Variants in FCN2 observed in about 807,000 individuals in gnomAD.
FCN2 encodes the protein ficolin 2.
A neutral mutation model predicts 32.5 loss-of-function variants in FCN2; 31 were observed. That is an observed-to-expected ratio of 0.96 (90% CI 0.72 to 1.29). The LOEUF is 1.29. Ranked by LOEUF, FCN2 falls within the 50% of genes most tolerant of loss-of-function variation. FCN2 has a pLI of 0.00. For synonymous variants in FCN2, 181 were observed against 164.5 expected (o/e 1.10, Z -0.77); for missense variants, 412 against 406.5 (o/e 1.01, Z -0.12).
chr9:134,883,515 G>T (rs1328989749), intron 3 of FCN2, among the ~76,000 whole-genome samples, 160 bp downstream of exon 3: 3 of 151,580 alleles, frequency 2.0e-5, no homozygotes, highest in Admixed American at 2.0e-4. Flanking sequence ...AGGGGTCTCA[G>T]TGTGGGGGAA....
intron 4 of FCN2, 84 bp from the exon 5 acceptor site, chr9:134,885,155 T>G: frequency 6.3e-7 from 1 of 1,581,992 alleles, no homozygotes; most frequent in Admixed American, 1.7e-5. Context: ...ATGGCCCTGC[T>G]TCTTCCTCCC....
At chr9:134,886,696 A>G (rs1433793745) in intron 7 of FCN2, 132 bp downstream of exon 7, 1 of 989,634 alleles carries the variant, frequency 1.0e-6, no homozygotes, top group South Asian at 1.5e-5. Flanking sequence ...CCATCTCTAC[A>G]TGCAGACACT....
At chr9:134,872,884 C>T in the FCN2 span, among the ~76,000 whole-genome samples, 5 of 152,148 alleles carry the variant, frequency 3.3e-5, no homozygotes, top group Admixed American at 1.3e-4. Context: ...AAGGCTGCAC[C>T]GCTTAATCCA....
In FCN2 at chr9:134,885,324, G is replaced by T; in HGVS notation, c.387G>T (p.Leu129=). 3 of 1,614,110 alleles carry T rather than the reference G, an allele frequency of 1.9e-6. No individual in the cohort carries two copies. Among genetic ancestry groups the T allele is most frequent in the Non-Finnish European group, 2.5e-6 (3 of 1,180,020 alleles). The stretch of plus-strand genomic sequence containing the variant: ...TCTACCTGCCCGACTGCCGGCCCCT[G>T]ACTGTGCTCTGTGACATGGACACGG... ...HTIYLPDCRP[L]TVLCDMDTDG... Residue 129 remains leucine, a synonymous_variant, in exon 5 of 8, where the codon CTG becomes CTT. Transcript: ENST00000291744.
intron 3 of FCN2, 91 bp from the exon 4 acceptor site, chr9:134,884,649 G>A: frequency 7.7e-7 from 1 of 1,294,794 alleles, no homozygotes; most frequent in East Asian, 2.3e-5. Flanking sequence ...CTCCTGGGGA[G>A]GCCCAGAAAA....
chr9:134,868,649 C>T, the FCN2 span, among the ~76,000 whole-genome samples: 1 of 152,224 alleles, frequency 6.6e-6, no homozygotes, highest in African/African-American at 2.4e-5. This position sits in a 1 kb window ranked among gnomAD's most constrained non-coding sequence, Gnocchi z 4.3. Context: ...GTGCCAGCAT[C>T]CAGCCCCCTG....
chr9:134,885,568 G>C (rs1830738247), intron 5 of FCN2, among the ~76,000 whole-genome samples, 200 bp from the exon 6 acceptor site: 5 of 152,230 alleles, frequency 3.3e-5, no homozygotes, highest in African/African-American at 9.6e-5. Flanking sequence ...TGTGTGGCTT[G>C]GGGCTTGTTG....
intron 2 of FCN2, among the ~76,000 whole-genome samples, chr9:134,883,006 A>AGG (rs1425316778): frequency 6.6e-6 from 1 of 152,146 alleles, no homozygotes; most frequent in African/African-American, 2.4e-5. Flanking sequence ...AGGCTCAGAG[A>AGG]GTCCAGGGAT....
chr9:134,869,746 C>T, the FCN2 span, among the ~76,000 whole-genome samples: 8,357 of 152,282 alleles, frequency 0.055, 282 homozygotes, highest in African/African-American at 0.094. Flanking sequence ...CAGAGGCCTC[C>T]GAGGGGCTGA....
rs1830727134 is a variant in FCN2, at chr9:134,885,191, C to G, written c.302-48C>G. 3.1e-6 allele frequency: 5 copies of G among 1,613,046 alleles called. No individual in the cohort carries two copies. In the African/African-American group the frequency reaches 4.0e-5, roughly 13 times the overall value. ...AGGCCTCCCTCCTACTGCCTGTGCCCTGCCCAGGGCTCCTGTCCTGCAGCC... is the reference window on the plus strand; with the variant it reads ...AGGCCTCCCTCCTACTGCCTGTGCCGTGCCCAGGGCTCCTGTCCTGCAGCC... On this transcript the variant is annotated intron_variant, in intron 4 of 7. Coordinates refer to ENST00000291744, the MANE Select transcript of FCN2 (RefSeq NM_004108.3).
chr9:134,865,042 G>A, the FCN2 span, among the ~76,000 whole-genome samples: 7 of 152,244 alleles, frequency 4.6e-5, no homozygotes, highest in African/African-American at 1.7e-4. Flanking sequence ...AGTGGGCCTA[G>A]TCAGAGCCTG....
At position 134,882,124 on chromosome 9, in the gene FCN2, G is replaced by A. The variant is rs565832450; in HGVS notation, c.101-402G>A. ...GATAGATGAGAACAGACGAGATTAG[G>A]ATGCTGTCTTAAATGGTAGGAGCTG... On this transcript the variant is annotated intron_variant, in intron 1 of 7. Coordinates refer to ENST00000291744, the MANE Select transcript of FCN2 (RefSeq NM_004108.3). Among the ~76,000 whole-genome samples the A allele has an allele frequency of 2.5e-4, 38 of 152,350 alleles. No homozygotes were observed. In the South Asian group the frequency reaches 5.4e-3, roughly 22 times the overall value.
Position 134,881,018 on chromosome 9 carries a change from G to C in FCN2, c.100+97G>C, listed in dbSNP as rs1443007304. 9.3e-6 allele frequency: 8 copies of C among 860,598 alleles called. No homozygotes were observed. The East Asian group carries it at 1.0e-4, about 11-fold the overall frequency. The allele number at this position is 860,598 out of a possible 1,614,324, so 53.3% of individuals were successfully genotyped here. Reference sequence around the variant, plus strand: ...TTCCTGGCTTCCAGGCCTTGCACCAGGCCGTGTGGAGCATCGTCTAACGAG... The same window carrying C: ...TTCCTGGCTTCCAGGCCTTGCACCACGCCGTGTGGAGCATCGTCTAACGAG... On this transcript the variant is annotated intron_variant, in intron 1 of 7. Coordinates refer to ENST00000291744, the MANE Select transcript of FCN2 (RefSeq NM_004108.3).
upstream of FCN2, among the ~76,000 whole-genome samples, chr9:134,879,973 C>T (rs72551117): frequency 6.6e-6 from 1 of 152,124 alleles, no homozygotes; most frequent in Admixed American, 6.5e-5. Context: ...GGCGAGAGTG[C>T]ACCTTCAGGC....
At chr9:134,872,146 G>C in the FCN2 span, among the ~76,000 whole-genome samples, 3 of 151,862 alleles carry the variant, frequency 2.0e-5, no homozygotes, top group African/African-American at 7.2e-5. Context: ...GTCATACTCC[G>C]TGTGTGGATG....
At chr9:134,887,043 G>A in intron 7 of FCN2, 125 bp from the exon 8 acceptor site, 1 of 1,098,600 alleles carries the variant, frequency 9.1e-7, no homozygotes, top group Non-Finnish European at 1.4e-6. Context: ...TTCTTGGATT[G>A]TGCAGTGCAC....
chr9:134,864,590 C>T, the FCN2 span, among the ~76,000 whole-genome samples: 6 of 152,294 alleles, frequency 3.9e-5, no homozygotes, highest in African/African-American at 1.2e-4. Flanking sequence ...GCCGAGCTGC[C>T]GTAGCCATGG....
chr9:134,881,051 C>A (rs1405208390), intron 1 of FCN2, 130 bp downstream of exon 1: 1 of 715,216 alleles, frequency 1.4e-6, no homozygotes, highest in Non-Finnish European at 2.5e-6. Flanking sequence ...GAGACAGCAG[C>A]TCTGCATGCC....
chr9:134,868,734 A>G, the FCN2 span, among the ~76,000 whole-genome samples: 2 of 152,176 alleles, frequency 1.3e-5, no homozygotes, highest in African/African-American at 4.8e-5. The surrounding 1 kb of genome is among the most constrained non-coding windows in gnomAD (Gnocchi z 4.3). Flanking sequence ...CTTGCCTCAC[A>G]GACAATGGTG....
Sources: gnomAD v4.1 joint callset for allele counts (sites outside exome capture counted in the v4.1 genomes callset) on GRCh38, gnomAD v4.1.1 for gene constraint, Gnocchi (gnomAD v3.1) non-coding constraint, MANE v1.5 for transcripts, NCBI Gene and HGNC (gene_info 2026-07-23, HGNC 2026-07-21) for gene names.